Variants in NPHP3 observed in about 807,000 individuals in gnomAD.
NPHP3 encodes nephrocystin-3.
In NPHP3, 123 loss-of-function variants were observed where a neutral mutation model predicts 171.9. That is an observed-to-expected ratio of 0.72 (90% confidence interval 0.62 to 0.83). The LOEUF is 0.83. NPHP3 is among the 40% of genes least tolerant of loss of function. NPHP3 has a pLI of 0.00. For missense variants in NPHP3, 1,506 were observed against 1,591.9 expected, an observed-to-expected ratio of 0.95 and a Z score of 0.92; for synonymous variants, 558 against 579.2, an observed-to-expected ratio of 0.96 and a Z score of 0.52.
chr3:132,701,367 T>A lies in NPHP3; in HGVS notation c.1628+63A>T. 6.9e-6 allele frequency: 8 copies of A among 1,163,238 alleles called. No individual in the cohort carries two copies. In the South Asian group the frequency reaches 9.9e-5, roughly 14 times the overall value. 72.1% of individuals were successfully genotyped at this position (1,163,238 alleles called of 1,614,324 possible). ...GCAGGAAGGCAGGCATGCAATACAT[T>A]TTGTTGAATAGATTCAGTAATTCAA... On this transcript the variant is annotated intron_variant, in intron 10 of 26. Transcript: ENST00000337331.
chr3:132,699,893 A>G (rs777641140), intron 12 of NPHP3, 25 bp downstream of exon 12: 34 of 1,612,126 alleles, frequency 2.1e-5, no homozygotes, highest in Middle Eastern at 1.6e-4. Flanking sequence ...GAGCATATCA[A>G]TAGGTAACAA....
intron 12 of NPHP3, 59 bp from the exon 13 acceptor site, chr3:132,699,509 T>A: frequency 9.4e-7 from 1 of 1,067,092 alleles, no homozygotes; most frequent in Non-Finnish European, 1.4e-6. Flanking sequence ...AACAATCCAA[T>A]AATAGCTCCC....
chr3:132,714,898 A>G (rs1335010736), intron 5 of NPHP3, among the ~76,000 whole-genome samples, 187 bp downstream of exon 5: 2 of 152,178 alleles, frequency 1.3e-5, no homozygotes, highest in African/African-American at 4.8e-5. Context: ...CTCTCAATTC[A>G]CCACCTTTCT....
At chr3:132,683,153 G>A (rs1939074382) in intron 25 of NPHP3, among the ~76,000 whole-genome samples, 1 of 152,114 alleles carries the variant, frequency 6.6e-6, no homozygotes, top group South Asian at 2.1e-4. Flanking sequence ...TTATATGGAG[G>A]GATGTAGGGT....
intron 21 of NPHP3, among the ~76,000 whole-genome samples, chr3:132,688,122 G>T (rs1939207686): frequency 6.6e-6 from 1 of 152,192 alleles, no homozygotes; most frequent in Non-Finnish European, 1.5e-5. Context: ...GATGCCACAA[G>T]TGGAAAATTC....
chr3:132,703,579 CTTTT>C (rs747062922), intron 9 of NPHP3, among the ~76,000 whole-genome samples: 197 of 131,014 alleles, frequency 1.5e-3, no homozygotes, highest in African/African-American at 5.1e-3. Context: ...TTCTTTCTTT[CTTTT>C]TTTTTTTTTT....
intron 1 of NPHP3, among the ~76,000 whole-genome samples, 195 bp from the exon 2 acceptor site, chr3:132,720,025 T>C (rs1206322366): frequency 6.6e-6 from 1 of 152,196 alleles, no homozygotes; most frequent in African/African-American, 2.4e-5. Context: ...GCAACCATGC[T>C]TGAACTACCA....
At chr3:132,700,869 A>G (rs574432358) in intron 10 of NPHP3, among the ~76,000 whole-genome samples, 1 of 152,296 alleles carries the variant, frequency 6.6e-6, no homozygotes, top group African/African-American at 2.4e-5. Flanking sequence ...TAATTATGAA[A>G]GAAAGAAAAT....
At position 132,722,015 on chromosome 3, in the gene NPHP3, C is replaced by A; in HGVS notation, c.341G>T (p.Arg114Leu). The A allele has an allele frequency of 6.2e-7, 1 of 1,613,208 alleles. No individual in the cohort carries two copies. The highest frequency in any genetic ancestry group is 8.5e-7 in the Non-Finnish European group (1 of 1,179,920). Residue 114 changes from arginine (R) to leucine (L), a missense_variant, in exon 1 of 27, where the codon CGC (arginine) becomes CTC (leucine). Arg to Leu is a moderately radical substitution (Grantham distance 102, BLOSUM62 -2). Transcript: ENST00000337331. ...SKNQELLSMG[R>L]REAKLDTENK... is the part of the protein sequence containing the mutation. ...CTCCGTGTCCAGCTTGGCCTCGCGG[C>A]GGCCCATGGACAACAACTCCTGGTT...
chr3:132,721,228 C>T (rs970407485), intron 1 of NPHP3, among the ~76,000 whole-genome samples: 1 of 152,130 alleles, frequency 6.6e-6, no homozygotes, highest in African/African-American at 2.4e-5. Context: ...GCTTTACATA[C>T]TATTTTATTG....
rs200647158 is a variant in NPHP3 at position 132,701,450 on chromosome 3, C to T, written c.1608G>A (p.Lys536=). The part of the protein sequence containing the change: ...LLVSGGPGSG[K]SLLLSKWIQL... Reference sequence around the variant, plus strand: ...CATACCACTTTGATAAAAGAAGAGACTTCCCAGAACCTGGTCCTCCAGACA... The same window carrying T: ...CATACCACTTTGATAAAAGAAGAGATTTCCCAGAACCTGGTCCTCCAGACA... Residue 536 remains lysine (K), a synonymous_variant, in exon 10 of 27, where the codon AAG becomes AAA. Coordinates refer to ENST00000337331, the MANE Select transcript of NPHP3 (RefSeq NM_153240.5). 8.1e-6 allele frequency: 13 copies of T among 1,611,980 alleles called. No individual in the cohort carries two copies. The highest frequency in any genetic ancestry group is 1.1e-5 in the Non-Finnish European group (13 of 1,178,114).
At chr3:132,716,677 A>G in intron 4 of NPHP3, 80 bp downstream of exon 4, 1 of 1,468,472 alleles carries the variant, frequency 6.8e-7, no homozygotes, top group African/African-American at 1.4e-5. Context: ...TGCTAATGGT[A>G]TTAATAGTTC....
At chr3:132,721,912 C>T in intron 1 of NPHP3, 51 bp downstream of exon 1, 2 of 1,597,830 alleles carry the variant, frequency 1.3e-6, no homozygotes, top group Non-Finnish European at 1.7e-6. Context: ...GGGAGCAGGA[C>T]GGCCGTGCTT....
chr3:132,714,147 C>T (rs1364841745), intron 5 of NPHP3, among the ~76,000 whole-genome samples: 2 of 152,214 alleles, frequency 1.3e-5, no homozygotes, highest in African/African-American at 2.4e-5. Context: ...ATGGATGATA[C>T]GTAAACGAAT....
At chr3:132,699,824 T>C (rs1290017674) in intron 12 of NPHP3, 94 bp downstream of exon 12, 2 of 1,356,580 alleles carry the variant, frequency 1.5e-6, no homozygotes, top group Admixed American at 3.5e-5. Context: ...ACATCATATT[T>C]TCTTCTCACA....
Position 132,696,723 on chromosome 3 carries a change from C to T in NPHP3, c.2171+8G>A, listed in dbSNP as rs147825615. 24 of 1,613,122 alleles carry T rather than the reference C, an allele frequency of 1.5e-5. No individual in the cohort carries two copies. In the African/African-American group the frequency reaches 2.7e-4, roughly 18 times the overall value. On this transcript the variant is annotated splice_region_variant and intron_variant, in intron 15 of 26. Coordinates refer to ENST00000337331, the MANE Select transcript of NPHP3 (RefSeq NM_153240.5). The stretch of plus-strand genomic sequence containing the variant: ...TGCAGAAGATCATGTAAAATAATCA[C>T]CACTCACCGCGCGATCATTTTGCCG...
In NPHP3 at chr3:132,715,281, A is replaced by C. The variant is rs1005692703; in HGVS notation, c.824-63T>G. 2.1e-6 allele frequency: 3 copies of C among 1,439,538 alleles called. No homozygotes were observed. In the African/African-American group the frequency reaches 4.2e-5, roughly 20 times the overall value. 89.2% of individuals were successfully genotyped at this position (1,439,538 alleles called of 1,614,324 possible). A position where few individuals can be genotyped will look rare whatever the true frequency, so the allele number is the denominator to read the frequency against. On this transcript the variant is annotated intron_variant, in intron 4 of 26. Coordinates refer to ENST00000337331, the MANE Select transcript of NPHP3 (RefSeq NM_153240.5). ...CAGAACACATTTGATCATTCTAAAA[A>C]AGTTTTAAAAACATAACAGGCATCA... is the stretch of plus-strand genomic sequence containing the variant.
At chr3:132,687,275 AT>A in intron 21 of NPHP3, 49 bp from the exon 22 acceptor site, 1 of 842,386 alleles carries the variant, frequency 1.2e-6, no homozygotes, top group Non-Finnish European at 2.0e-6. Flanking sequence ...TATTCAAAGT[AT>A]ACTTCAGTGA....
At position 132,681,779 on chromosome 3, in the gene NPHP3, A is replaced by T. The variant is rs1939037054; in HGVS notation, c.*131T>A. On this transcript the variant is annotated 3_prime_UTR_variant, in exon 27 of 27. Transcript: ENST00000337331. ...ACTTAATGTAATCCAATACAACTTC[A>T]TACAAATAGCAGTTAAATCACACGT... 1 of 772,206 alleles carries T rather than the reference A, an allele frequency of 1.3e-6. No homozygotes were observed. Among genetic ancestry groups the T allele is most frequent in the Non-Finnish European group, 2.2e-6 (1 of 446,342 alleles). The allele number at this position is 772,206 out of a possible 1,614,324, so 47.8% of individuals were successfully genotyped here. A position where few individuals can be genotyped will look rare whatever the true frequency, so the allele number is the denominator to read the frequency against.
Sources: gnomAD v4.1 joint callset for allele counts (sites outside exome capture counted in the v4.1 genomes callset) on GRCh38, gnomAD v4.1.1 for gene constraint, MANE v1.5 for transcripts, NCBI Gene and HGNC (gene_info 2026-07-23, HGNC 2026-07-21) for gene names.